Variants in PCDHGB1 observed in about 807,000 individuals in gnomAD.
The protein encoded by PCDHGB1 is protocadherin gamma subfamily B, 1, also known as protocadherin gamma-B1.
Under a neutral mutation model 56.6 loss-of-function variants are expected in PCDHGB1, and 34 were observed. The ratio of observed to expected loss-of-function variants is 0.60; its 90% CI spans 0.46 to 0.80. PCDHGB1 has a LOEUF of 0.80. PCDHGB1 is among the 30% of genes least tolerant of loss of function. PCDHGB1 has a pLI of 0.00. For missense variants in PCDHGB1, 1,278 were observed against 1,204.6 expected (o/e 1.06, Z -0.90); for synonymous variants, 561 against 505.9 (o/e 1.11, Z -1.46).
At chr5:141,389,349 A>G in intron 1 of PCDHGB1, 1 of 1,613,980 alleles carries the variant, frequency 6.2e-7, no homozygotes, top group South Asian at 1.1e-5. Context: ...CTCTTACTGC[A>G]TCATGGCCAG....
chr5:141,381,965 G>C (rs571350764), intron 1 of PCDHGB1, among the ~76,000 whole-genome samples: 96 of 151,186 alleles, frequency 6.3e-4, no homozygotes, highest in African/African-American at 2.2e-3. Flanking sequence ...GAGTAGCTGG[G>C]ATTACAGGCG....
intron 1 of PCDHGB1, chr5:141,355,950 T>A: frequency 6.2e-7 from 1 of 1,613,924 alleles, no homozygotes; most frequent in Non-Finnish European, 8.5e-7. Flanking sequence ...ACCACGTAAG[T>A]GTTCGTGAGA....
At chr5:141,404,776 A>G (rs2094566348) in intron 1 of PCDHGB1, 1 of 1,612,952 alleles carries the variant, frequency 6.2e-7, no homozygotes, top group Non-Finnish European at 8.5e-7. Flanking sequence ...CCTACCGCCT[A>G]TTCAAGGCCA....
rs2094474207 is a variant in PCDHGB1 at position 141,403,989 on chromosome 5, A to C, written c.2409+51320A>C. On this transcript the variant is annotated intron_variant, in intron 1 of 3. Coordinates refer to ENST00000523390, the MANE Select transcript of PCDHGB1 (RefSeq NM_018922.3). ...GAAGATGTAAATGACAATAGACCTG[A>C]AGTGACCATTACATCTCTGTTTAGC... The C allele has an allele frequency of 1.2e-6, 2 of 1,613,868 alleles. No homozygotes were observed. Among genetic ancestry groups the C allele is most frequent in the Middle Eastern group, 1.6e-4 (1 of 6,062 alleles).
chr5:141,362,234 C>T, intron 1 of PCDHGB1: 1 of 1,614,040 alleles, frequency 6.2e-7, no homozygotes, highest in Non-Finnish European at 8.5e-7. Flanking sequence ...GCCTTGATCT[C>T]AGTGCTCTTC....
intron 1 of PCDHGB1, chr5:141,433,047 C>G: frequency 1.9e-6 from 3 of 1,614,164 alleles, no homozygotes; most frequent in Non-Finnish European, 2.5e-6. Context: ...ACCACGGACT[C>G]GCGGAAGAGT....
intron 1 of PCDHGB1, chr5:141,371,582 A>G (rs1442849202): frequency 1.9e-6 from 3 of 1,613,934 alleles, no homozygotes; most frequent in East Asian, 2.2e-5. Context: ...AAATCGTTCA[A>G]GATACCAAAA....
intron 1 of PCDHGB1, chr5:141,355,008 C>T (rs959780132): frequency 5.0e-6 from 4 of 807,362 alleles, no homozygotes; most frequent in Admixed American, 3.6e-5. Context: ...AAAGACAAAC[C>T]AGAAATTTAA....
At chr5:141,467,103 AGTACAATG>A (rs1438695307) in intron 1 of PCDHGB1, among the ~76,000 whole-genome samples, 1 of 147,462 alleles carries the variant, frequency 6.8e-6, no homozygotes, top group East Asian at 2.0e-4. Flanking sequence ...CACAGGCTGG[AGTACAATG>A]GTGCAATCTC....
chr5:141,487,751 G>A lies in PCDHGB1; in HGVS notation c.2410-7056G>A. ...CACCATTTTTGTAAGAGGTAACTAT[G>A]TGGTAGACGCTGTGCTTTGTAACTG... On this transcript the variant is annotated intron_variant, in intron 1 of 3. Coordinates refer to ENST00000523390, the MANE Select transcript of PCDHGB1 (RefSeq NM_018922.3). This position sits in a 1 kb window ranked among gnomAD's most constrained non-coding sequence, Gnocchi z 5.0. 1 of 1,555,004 alleles carries A rather than the reference G, an allele frequency of 6.4e-7. No homozygotes were observed.
chr5:141,443,308 C>T (rs1484035480), intron 1 of PCDHGB1, among the ~76,000 whole-genome samples: 7 of 136,252 alleles, frequency 5.1e-5, no homozygotes, highest in African/African-American at 2.2e-4. Context: ...TGGCAAAAAC[C>T]CATCTCTACA....
intron 1 of PCDHGB1, among the ~76,000 whole-genome samples, chr5:141,429,890 C>A (rs2097251428): frequency 6.6e-6 from 1 of 152,112 alleles, no homozygotes; most frequent in African/African-American, 2.4e-5. Context: ...GTTTCCTGAA[C>A]AATAAATATT....
chr5:141,409,462 C>G (rs377705841), intron 1 of PCDHGB1: 1 of 1,613,988 alleles, frequency 6.2e-7, no homozygotes, highest in African/African-American at 1.3e-5. Flanking sequence ...AATACAATGT[C>G]ACCATCGTAG....
chr5:141,375,526 G>A (rs377448744), intron 1 of PCDHGB1: 1 of 1,614,008 alleles, frequency 6.2e-7, no homozygotes, highest in Non-Finnish European at 8.5e-7. Flanking sequence ...ACCCTGACGT[G>A]GACCAGAACG....
chr5:141,469,552 C>G (rs956606902), intron 1 of PCDHGB1, among the ~76,000 whole-genome samples: 1 of 151,910 alleles, frequency 6.6e-6, no homozygotes, highest in African/African-American at 2.4e-5. Context: ...TCCAGCCTGG[C>G]GACAGAGTGA....
chr5:141,413,050 G>C (rs868475186), intron 1 of PCDHGB1: 5 of 939,920 alleles, frequency 5.3e-6, no homozygotes, highest in Middle Eastern at 3.3e-4. Flanking sequence ...CTGCAGGGAA[G>C]CTCACTCCAG....
intron 1 of PCDHGB1, chr5:141,433,240 C>A (rs533423214): frequency 1.3e-6 from 2 of 1,488,038 alleles, no homozygotes; most frequent in Non-Finnish European, 1.8e-6. Flanking sequence ...GTCTCCCAAG[C>A]TGGAATGCAG....
At chr5:141,504,381 T>C (rs1039838477) in intron 2 of PCDHGB1, among the ~76,000 whole-genome samples, 4 of 152,130 alleles carry the variant, frequency 2.6e-5, no homozygotes, top group Non-Finnish European at 5.9e-5. Context: ...GTGGAGTCGC[T>C]GCCTCACAGA....
intron 1 of PCDHGB1, among the ~76,000 whole-genome samples, chr5:141,461,433 C>A (rs183800312): frequency 1.3e-5 from 2 of 151,970 alleles, no homozygotes; most frequent in Non-Finnish European, 1.5e-5. Context: ...CATTTGTATA[C>A]CTTCTTTTGA....
Sources: gnomAD v4.1 joint callset for allele counts (sites outside exome capture counted in the v4.1 genomes callset) on GRCh38, gnomAD v4.1.1 for gene constraint, Gnocchi (gnomAD v3.1) non-coding constraint, MANE v1.5 for transcripts, NCBI Gene and HGNC (gene_info 2026-07-23, HGNC 2026-07-21) for gene names.